Variants in RSPH14 observed in about 807,000 individuals in gnomAD.
The protein encoded by RSPH14 is radial spoke head 14 homolog.
In RSPH14, 20 loss-of-function variants were observed where a neutral mutation model predicts 26.7. The observed-to-expected ratio is 0.75, with a 90% CI of 0.53 to 1.09. The LOEUF is 1.09. Among genes scored for constraint, RSPH14 ranks in the 50% least tolerant of loss-of-function variants. The pLI is 0.00. For synonymous variants in RSPH14, 177 were observed against 189.3 expected (o/e 0.93, Z 0.53); for missense variants, 449 against 457.2 (o/e 0.98, Z 0.16).
At chr22:23,092,557 T>G (rs535696219) in intron 4 of RSPH14, among the ~76,000 whole-genome samples, 1 of 152,186 alleles carries the variant, frequency 6.6e-6, no homozygotes, top group African/African-American at 2.4e-5. Flanking sequence ...TTGGCCCTGA[T>G]GCATGTGATT....
At chr22:23,083,192 G>GATCA (rs1250151218) in intron 4 of RSPH14, among the ~76,000 whole-genome samples, 2 of 152,120 alleles carry the variant, frequency 1.3e-5, no homozygotes, top group East Asian at 3.9e-4. Context: ...GCACATTTGA[G>GATCA]AAATATTTGT....
At chr22:23,151,643 AG>A in the RSPH14 span, among the ~76,000 whole-genome samples, 1 of 152,186 alleles carries the variant, frequency 6.6e-6, no homozygotes, top group Non-Finnish European at 1.5e-5. Flanking sequence ...GTTACTCAGG[AG>A]GCTGAGGTGG....
At chr22:23,123,039 C>T (rs768778210) in intron 4 of RSPH14, 1 of 1,292,076 alleles carries the variant, frequency 7.7e-7, no homozygotes, top group East Asian at 2.3e-5. Flanking sequence ...TAGGGTCTGT[C>T]TCTGCCTGCT....
upstream of RSPH14, among the ~76,000 whole-genome samples, chr22:23,149,056 C>T (rs995674458): frequency 5.3e-5 from 8 of 152,324 alleles, no homozygotes; most frequent in East Asian, 3.9e-4. Context: ...ATCCCTGCTG[C>T]CTCAATCACA....
intron 6 of RSPH14, 135 bp from the exon 7 acceptor site, chr22:23,059,853 A>C: frequency 4.2e-6 from 4 of 944,880 alleles, no homozygotes; most frequent in Admixed American, 3.2e-5. Context: ...CCCCACCAAC[A>C]TGCCCTCACC....
chr22:23,162,517 C>G, the RSPH14 span: 1 of 412,834 alleles, frequency 2.4e-6, no homozygotes, highest in Non-Finnish European at 5.0e-6. Context: ...TAGAGGACTT[C>G]AGAGGCCCTG....
rs376235929 is a variant in RSPH14 at position 23,061,734 on chromosome 22, CCT to C, written c.790+73_790+74del. ...GGAGTTTGGGGGACGATACCCAGCC[CCT>C]GAGTACAGAAAGCTCATCACGGCTG... On this transcript the variant is annotated intron_variant, in intron 6 of 6. Coordinates refer to ENST00000216036, the MANE Select transcript of RSPH14 (RefSeq NM_014433.3). 9.3e-4 allele frequency: 1,474 copies of C among 1,584,560 alleles called. 12 individuals carry two copies. The African/African-American group carries it at 0.016, about 18-fold the overall frequency.
intron 3 of RSPH14, chr22:23,136,003 T>C: frequency 5.4e-6 from 1 of 184,514 alleles, no homozygotes; most frequent in Non-Finnish European, 1.1e-5. Flanking sequence ...TTTATTTTAT[T>C]TATTTATTTA....
At chr22:23,105,951 C>T (rs1390451398) in intron 4 of RSPH14, among the ~76,000 whole-genome samples, 1 of 152,104 alleles carries the variant, frequency 6.6e-6, no homozygotes. Context: ...CTGAGGGTGC[C>T]CACGGCCTCC....
intron 4 of RSPH14, among the ~76,000 whole-genome samples, chr22:23,093,974 G>A (rs1384384841): frequency 6.6e-6 from 1 of 152,202 alleles, no homozygotes; most frequent in Non-Finnish European, 1.5e-5. Context: ...GGGACAGTGA[G>A]GGGCACGGAT....
rs563472205 is a variant in RSPH14, at chr22:23,091,665, C to T, written c.422-27532G>A. On this transcript the variant is annotated intron_variant, in intron 4 of 6. Transcript: ENST00000216036. ...ACACTGGCACCTATGCATACATGCA[C>T]ACACACCACAGTGGACCTGCATACA... Among the ~76,000 whole-genome samples the T allele has an allele frequency of 2.6e-5, 4 of 152,216 alleles. No homozygotes were observed. In the East Asian group the frequency reaches 7.7e-4, roughly 29 times the overall value.
chr22:23,151,953 T>C, the RSPH14 span, among the ~76,000 whole-genome samples: 52 of 152,174 alleles, frequency 3.4e-4, no homozygotes, highest in African/African-American at 1.2e-3. Context: ...GGTGGTGTCA[T>C]GGTCAGGGAG....
At chr22:23,174,925 C>T in the RSPH14 span, among the ~76,000 whole-genome samples, 2 of 151,528 alleles carry the variant, frequency 1.3e-5, no homozygotes, top group African/African-American at 2.4e-5. Flanking sequence ...TGAGATCACG[C>T]CATTGCACTG....
intron 4 of RSPH14, among the ~76,000 whole-genome samples, chr22:23,119,688 G>A (rs1474252788): frequency 1.3e-5 from 2 of 152,218 alleles, no homozygotes; most frequent in Admixed American, 6.5e-5. Context: ...CGTCAGGGAC[G>A]CTGGGATGGA....
At chr22:23,154,149 A>G in the RSPH14 span, among the ~76,000 whole-genome samples, 1 of 148,790 alleles carries the variant, frequency 6.7e-6, no homozygotes. Context: ...CTGCCCCGGC[A>G]CCTGGAGAAT....
Position 23,123,347 on chromosome 22 carries a change from C to T in RSPH14, c.421+10679G>A, listed in dbSNP as rs750263542. ...TCTACTCCCACTTCACCTGCGCCAC[C>T]GACACCAGTAACATCCAGTTTGTCT... is the stretch of plus-strand genomic sequence containing the variant. On this transcript the variant is annotated intron_variant, in intron 4 of 6. Transcript: ENST00000216036. 31 of 1,613,906 alleles carry T rather than the reference C, an allele frequency of 1.9e-5. No homozygotes were observed. In the East Asian group the frequency reaches 3.1e-4, roughly 16 times the overall value.
rs3761417 is a variant in RSPH14, at chr22:23,093,563, C to T, written c.422-29430G>A. Among the ~76,000 whole-genome samples, 29 of 152,330 alleles carry T rather than the reference C, an allele frequency of 1.9e-4. 1 individual carries two copies. The East Asian group carries it at 4.4e-3, about 23-fold the overall frequency. On this transcript the variant is annotated intron_variant, in intron 4 of 6. Transcript: ENST00000216036. ...ACAGAGGGCAAGGTGACGCTCACAG[C>T]GACAAGCACAGCAGGGCAGTGACTG...
intron 4 of RSPH14, among the ~76,000 whole-genome samples, chr22:23,077,731 C>CA (rs2146259940): frequency 6.6e-6 from 1 of 152,282 alleles, no homozygotes; most frequent in East Asian, 1.9e-4. Flanking sequence ...TCCCCAGAGG[C>CA]AAAGCTGGGA....
At chr22:23,108,192 G>A (rs539253943) in intron 4 of RSPH14, among the ~76,000 whole-genome samples, 2 of 152,344 alleles carry the variant, frequency 1.3e-5, no homozygotes, top group Non-Finnish European at 2.9e-5. Flanking sequence ...CACACCAAAC[G>A]CCTGCAGCAT....
Sources: gnomAD v4.1 joint callset for allele counts (sites outside exome capture counted in the v4.1 genomes callset) on GRCh38, gnomAD v4.1.1 for gene constraint, MANE v1.5 for transcripts, NCBI Gene and HGNC (gene_info 2026-07-23, HGNC 2026-07-21) for gene names.